The following DCC variants were observed in gnomAD, a reference collection of about 807,000 sequenced individuals.
DCC encodes the protein netrin receptor DCC.
DCC carries 58 observed loss-of-function variants against 172.5 expected under a neutral mutation model. The observed-to-expected ratio is 0.34, with a 90% CI of 0.27 to 0.42. The LOEUF (loss-of-function observed/expected upper bound fraction) is 0.42. Among genes scored for constraint, DCC ranks in the 10% least tolerant of loss-of-function variants. The probability of loss-of-function intolerance (pLI) is 1.00; values close to 1 mark genes in which losing one functional copy is unlikely to be tolerated. For missense variants in DCC, 1,740 were observed against 1,791.0 expected (o/e 0.97, Z 0.51); for synonymous variants, 709 against 644.5 (o/e 1.10, Z -1.52).
At chr18:52,782,693 A>T (rs28398323) in intron 2 of DCC, among the ~76,000 whole-genome samples, 8,026 of 151,992 alleles carry the variant, frequency 0.053, 286 homozygotes, top group South Asian at 0.16. Context: ...GACTGGCTGA[A>T]CCTGGATCAA....
intron 8 of DCC, among the ~76,000 whole-genome samples, chr18:53,172,422 A>C (rs1052837385): frequency 3.3e-5 from 5 of 152,136 alleles, no homozygotes; most frequent in African/African-American, 1.2e-4. Flanking sequence ...GCATCACACA[A>C]TATACCCGTG....
At chr18:53,213,764 G>C (rs570128093) in intron 11 of DCC, among the ~76,000 whole-genome samples, 14 of 148,540 alleles carry the variant, frequency 9.4e-5, no homozygotes, top group African/African-American at 3.4e-4. Context: ...GAAATTATAT[G>C]ATATAGAGCA....
chr18:52,642,805 G>C (rs1269292241), intron 1 of DCC, among the ~76,000 whole-genome samples: 1 of 152,104 alleles, frequency 6.6e-6, no homozygotes, highest in Non-Finnish European at 1.5e-5. Context: ...TTGCGACTAT[G>C]GGTTTGGGCC....
chr18:52,736,254 C>T (rs2036725718), intron 1 of DCC, among the ~76,000 whole-genome samples: 1 of 148,370 alleles, frequency 6.7e-6, no homozygotes, highest in Non-Finnish European at 1.5e-5. Context: ...AGGCTGTTAT[C>T]AATCACTCTT....
At chr18:53,299,363 T>C (rs2057105392) in intron 12 of DCC, among the ~76,000 whole-genome samples, 2 of 152,178 alleles carry the variant, frequency 1.3e-5, no homozygotes, top group African/African-American at 4.8e-5. Flanking sequence ...CTTTTCCTTA[T>C]CCTATATATC....
chr18:53,122,684 C>T (rs2043499687), intron 7 of DCC, among the ~76,000 whole-genome samples: 2 of 151,974 alleles, frequency 1.3e-5, no homozygotes, highest in Admixed American at 6.6e-5. Context: ...AATTAAATTG[C>T]CTTGTGGTCT....
chr18:52,371,598 C>T (rs868316311), intron 1 of DCC, among the ~76,000 whole-genome samples: 7 of 152,136 alleles, frequency 4.6e-5, no homozygotes, highest in African/African-American at 9.7e-5. Flanking sequence ...TTAGCAGCCC[C>T]GGGAAGAAGG....
intron 25 of DCC, among the ~76,000 whole-genome samples, chr18:53,476,740 A>G (rs1215647083): frequency 2.0e-5 from 3 of 152,186 alleles, no homozygotes; most frequent in African/African-American, 7.2e-5. Context: ...ACCAGAAGGT[A>G]CTATAGGGCA....
chr18:53,201,201 C>T (rs1455463777), intron 9 of DCC, among the ~76,000 whole-genome samples: 2 of 152,150 alleles, frequency 1.3e-5, no homozygotes, highest in Non-Finnish European at 2.9e-5. Context: ...CTCTCACCTG[C>T]TTTGAATGTG....
intron 2 of DCC, among the ~76,000 whole-genome samples, chr18:52,788,920 A>G (rs76200061): frequency 0.014 from 2,145 of 152,220 alleles, 48 homozygotes; most frequent in African/African-American, 0.048. Context: ...AAGGCAACCC[A>G]AATCCATTCA....
intron 13 of DCC, among the ~76,000 whole-genome samples, chr18:53,313,486 T>C (rs1266589063): frequency 1.3e-5 from 2 of 152,158 alleles, no homozygotes; most frequent in African/African-American, 4.8e-5. Flanking sequence ...CCTCAAGTGA[T>C]TCGCCTGCCT....
chr18:52,475,152 C>A (rs74822096), intron 1 of DCC, among the ~76,000 whole-genome samples: 1 of 152,150 alleles, frequency 6.6e-6, no homozygotes, highest in African/African-American at 2.4e-5. Context: ...CATCTATCTG[C>A]ATTTTACTTT....
chr18:52,530,245 G>A (rs62081337), intron 1 of DCC, among the ~76,000 whole-genome samples: 8,750 of 152,044 alleles, frequency 0.058, 322 homozygotes, highest in Middle Eastern at 0.11. Flanking sequence ...ACACACACAC[G>A]CACACACACA....
chr18:52,911,720 CAT>C (rs1223795041), intron 3 of DCC, among the ~76,000 whole-genome samples: 1 of 112,592 alleles, frequency 8.9e-6, no homozygotes, highest in African/African-American at 2.8e-5. Flanking sequence ...ATTTTTGTCT[CAT>C]ATTTAACATT....
chr18:52,718,546 C>T (rs1049434221), intron 1 of DCC, among the ~76,000 whole-genome samples: 10 of 152,110 alleles, frequency 6.6e-5, no homozygotes, highest in African/African-American at 2.4e-4. Flanking sequence ...TAATGGTCTG[C>T]TCTTAGTTAC....
At chr18:52,552,429 C>A (rs1175351290) in intron 1 of DCC, among the ~76,000 whole-genome samples, 1 of 151,844 alleles carries the variant, frequency 6.6e-6, no homozygotes, top group South Asian at 2.1e-4. Flanking sequence ...AGGTTGGAAA[C>A]AATTAAAGTT....
At chr18:52,753,249 C>G (rs1011774623) in intron 2 of DCC, among the ~76,000 whole-genome samples, 1 of 152,106 alleles carries the variant, frequency 6.6e-6, no homozygotes, top group Admixed American at 6.5e-5. Context: ...CAACAACGCA[C>G]ATTTTTAAGA....
intron 1 of DCC, among the ~76,000 whole-genome samples, chr18:52,380,648 T>G (rs1985546319): frequency 1.3e-5 from 2 of 152,280 alleles, no homozygotes; most frequent in South Asian, 4.1e-4. Flanking sequence ...TTTTATAAAC[T>G]TTGTAGACTG....
chr18:53,040,083 G>A (rs2042148329), intron 5 of DCC, among the ~76,000 whole-genome samples: 1 of 151,876 alleles, frequency 6.6e-6, no homozygotes, highest in Non-Finnish European at 1.5e-5. Context: ...GCTTGACACT[G>A]ATTAAATGCA....
Sources: allele counts gnomAD v4.1 joint callset (sites outside exome capture counted in the v4.1 genomes callset), GRCh38; gene constraint gnomAD v4.1.1; transcripts MANE v1.5; gene names NCBI Gene and HGNC (gene_info 2026-07-23, HGNC 2026-07-21).